ASIC2: variants seen among roughly 807,000 people sequenced by gnomAD.
ASIC2 encodes the protein acid sensing ion channel subunit 2.
ASIC2 carries 25 observed loss-of-function variants against 57.3 expected under a neutral mutation model. That is an observed-to-expected ratio of 0.44 (90% CI 0.32 to 0.61). The LOEUF is 0.61. ASIC2 is among the 20% of genes least tolerant of loss of function. ASIC2 has a pLI of 0.06. For synonymous variants in ASIC2, 319 were observed against 307.5 expected (o/e 1.04, Z -0.39); for missense variants, 641 against 738.1 (o/e 0.87, Z 1.52).
At chr17:34,105,911 TTA>T (rs1421257370) in intron 1 of ASIC2, among the ~76,000 whole-genome samples, 1 of 152,102 alleles carries the variant, frequency 6.6e-6, no homozygotes, top group African/African-American at 2.4e-5. Context: ...ACATTTACAT[TTA>T]TGTTATACTT....
intron 1 of ASIC2, chr17:34,002,447 T>C (rs1186251175): frequency 6.6e-6 from 1 of 152,214 alleles, no homozygotes; most frequent in African/African-American, 2.4e-5. Context: ...CATTTTATTG[T>C]ATTTCCTCAG....
At chr17:33,579,810 T>A (rs894602935) in intron 1 of ASIC2, among the ~76,000 whole-genome samples, 1 of 152,024 alleles carries the variant, frequency 6.6e-6, no homozygotes, top group Non-Finnish European at 1.5e-5. Flanking sequence ...AAACACCCCT[T>A]GGATTTCGGC....
chr17:33,213,229 G>A (rs904292794), intron 1 of ASIC2, among the ~76,000 whole-genome samples: 1 of 152,168 alleles, frequency 6.6e-6, no homozygotes, highest in Non-Finnish European at 1.5e-5. Context: ...TGGCTGCCAG[G>A]GCCAGGAGGT....
At chr17:33,259,970 T>G (rs1417925744) in intron 1 of ASIC2, among the ~76,000 whole-genome samples, 1 of 152,054 alleles carries the variant, frequency 6.6e-6, no homozygotes, top group African/African-American at 2.4e-5. Flanking sequence ...ACGCTCTATA[T>G]TAAAGATGCT....
At chr17:34,087,579 G>T (rs1378181600) in intron 1 of ASIC2, among the ~76,000 whole-genome samples, 1 of 152,168 alleles carries the variant, frequency 6.6e-6, no homozygotes, top group East Asian at 1.9e-4. Context: ...GAATCTGAAT[G>T]TTGGCCTGCC....
intron 1 of ASIC2, among the ~76,000 whole-genome samples, chr17:34,100,235 C>T (rs573346779): frequency 5.2e-4 from 79 of 151,086 alleles, no homozygotes; most frequent in African/African-American, 1.8e-3. Context: ...CTATATTTCC[C>T]CCTCAATCCA....
intron 1 of ASIC2, among the ~76,000 whole-genome samples, chr17:34,153,065 A>C (rs1259346913): frequency 2.0e-5 from 3 of 152,236 alleles, no homozygotes; most frequent in Non-Finnish European, 4.4e-5. Flanking sequence ...CCCTCCGCAG[A>C]CAGCCTTCTC....
At chr17:33,581,183 CAGAG>C (rs1375059852) in intron 1 of ASIC2, 1 of 152,182 alleles carries the variant, frequency 6.6e-6, no homozygotes, top group Admixed American at 6.5e-5. Context: ...CAGGTGAAGT[CAGAG>C]AGATTCAAAG....
intron 1 of ASIC2, among the ~76,000 whole-genome samples, chr17:33,213,384 A>T (rs1907356676): frequency 6.6e-6 from 1 of 152,228 alleles, no homozygotes; most frequent in African/African-American, 2.4e-5. Context: ...AGGGAAGAGA[A>T]GGAAATGATG....
At chr17:33,633,075 G>C (rs768648949) in intron 1 of ASIC2, among the ~76,000 whole-genome samples, 4 of 152,190 alleles carry the variant, frequency 2.6e-5, no homozygotes, top group Non-Finnish European at 4.4e-5. Context: ...ACATCAGGCT[G>C]AGTGAAGGCA....
chr17:33,905,170 T>C (rs780826550), intron 1 of ASIC2, among the ~76,000 whole-genome samples: 10 of 128,470 alleles, frequency 7.8e-5, no homozygotes, highest in Non-Finnish European at 1.5e-4. Context: ...TTTTTTCCAC[T>C]TAGCGTTCTT....
At chr17:33,580,697 C>T (rs1347557453) in intron 1 of ASIC2, among the ~76,000 whole-genome samples, 1 of 152,166 alleles carries the variant, frequency 6.6e-6, no homozygotes, top group African/African-American at 2.4e-5. Flanking sequence ...CTGGGGTCCC[C>T]AGGTACTTCG....
intron 1 of ASIC2, among the ~76,000 whole-genome samples, chr17:33,202,429 A>G (rs1360018993): frequency 2.0e-5 from 3 of 152,152 alleles, no homozygotes; most frequent in Non-Finnish European, 2.9e-5. Context: ...ATTAAGTGTG[A>G]GATGGGAAGC....
chr17:33,383,270 G>A (rs1006583369), intron 1 of ASIC2, among the ~76,000 whole-genome samples: 1 of 152,160 alleles, frequency 6.6e-6, no homozygotes, highest in African/African-American at 2.4e-5. Flanking sequence ...GATCATGAGT[G>A]GTTTGAGGGT....
chr17:33,347,678 T>C (rs1257962052), intron 1 of ASIC2, among the ~76,000 whole-genome samples: 4 of 151,636 alleles, frequency 2.6e-5, no homozygotes, highest in African/African-American at 9.7e-5. Context: ...CGAAGGAGGG[T>C]GGGGGCTGGT....
At chr17:34,135,073 C>A (rs1285269885) in intron 1 of ASIC2, among the ~76,000 whole-genome samples, 1 of 152,222 alleles carries the variant, frequency 6.6e-6, no homozygotes, top group African/African-American at 2.4e-5. Context: ...AACTCCAAAG[C>A]CAAATGGAAT....
chr17:33,861,680 C>T (rs1243920127), intron 1 of ASIC2, among the ~76,000 whole-genome samples: 8 of 152,188 alleles, frequency 5.3e-5, no homozygotes, highest in Non-Finnish European at 2.9e-5. Flanking sequence ...GGTGAAAAGG[C>T]TATCACTGAT....
At chr17:33,609,539 GCTCAA>G (rs1411476351) in intron 1 of ASIC2, among the ~76,000 whole-genome samples, 1 of 152,154 alleles carries the variant, frequency 6.6e-6, no homozygotes, top group Non-Finnish European at 1.5e-5. Flanking sequence ...CTGCCCCCAA[GCTCAA>G]CCCAGTAGAA....
intron 3 of ASIC2, among the ~76,000 whole-genome samples, chr17:33,037,769 G>C (rs765726852): frequency 2.6e-5 from 4 of 152,130 alleles, no homozygotes; most frequent in Non-Finnish European, 5.9e-5. Context: ...TGGTAGGTAG[G>C]CACATTATAA....
Sources: gnomAD v4.1 joint callset for allele counts (sites outside exome capture counted in the v4.1 genomes callset) on GRCh38, gnomAD v4.1.1 for gene constraint, MANE v1.5 for transcripts, NCBI Gene and HGNC (gene_info 2026-07-23, HGNC 2026-07-21) for gene names.